The following UNC5B variants were observed in gnomAD, a reference collection of about 807,000 sequenced individuals.
The protein encoded by UNC5B is netrin receptor UNC5B.
Under a neutral mutation model 103.7 loss-of-function variants are expected in UNC5B, and 56 were observed. The ratio of observed to expected loss-of-function variants is 0.54; its 90% CI spans 0.44 to 0.67. The LOEUF is 0.67. Among genes scored for constraint, UNC5B ranks in the 30% least tolerant of loss-of-function variants. UNC5B has a pLI of 0.00. For synonymous variants in UNC5B, 577 were observed against 542.0 expected, an observed-to-expected ratio of 1.06 and a Z score of -0.90; for missense variants, 1,194 against 1,284.5, an observed-to-expected ratio of 0.93 and a Z score of 1.08.
chr10:71,299,366 T>C lies in UNC5B; in HGVS notation c.*89T>C. On this transcript the variant is annotated 3_prime_UTR_variant, in exon 17 of 17. Coordinates refer to ENST00000335350, the MANE Select transcript of UNC5B (RefSeq NM_170744.5). ...CCTCCTGATGGGGATGTTTGGCCTC[T>C]GCTTCCTCCCAGTTCACAGCCAGAG... The C allele has an allele frequency of 6.5e-7, 1 of 1,527,114 alleles. No individual in the cohort carries two copies. The highest frequency in any genetic ancestry group is 8.9e-7 in the Non-Finnish European group (1 of 1,127,828). 94.6% of individuals were successfully genotyped at this position (1,527,114 alleles called of 1,614,324 possible).
At chr10:71,239,647 C>T (rs1053561294) in intron 1 of UNC5B, among the ~76,000 whole-genome samples, 3 of 152,180 alleles carry the variant, frequency 2.0e-5, no homozygotes, top group Non-Finnish European at 4.4e-5. Flanking sequence ...CCACTCCACC[C>T]CCAGTCCTCT....
chr10:71,271,342 G>C (rs1360432082), intron 1 of UNC5B, among the ~76,000 whole-genome samples: 1 of 152,250 alleles, frequency 6.6e-6, no homozygotes, highest in Non-Finnish European at 1.5e-5. Context: ...TTCAGTGCCA[G>C]GTGGTGGGAA....
In UNC5B at chr10:71,296,663, C is replaced by G. The variant is rs1338340571; in HGVS notation, c.2411C>G (p.Thr804Arg). The part of the protein sequence containing the change: ...FTLERHSLAS[T>R]ELTCKICVRQ... ...CTGGAGAGGCACAGCTTGGCCTCCA[C>G]AGAGCTCACCTGCAAGATCTGCGTG... Residue 804 changes from threonine to arginine, a missense_variant, in exon 15 of 17, where the codon ACA becomes AGA. Transcript: ENST00000335350. The G allele has an allele frequency of 1.2e-6, 2 of 1,614,066 alleles. No homozygotes were observed. Among genetic ancestry groups the G allele is most frequent in the East Asian group, 2.2e-5 (1 of 44,884 alleles).
chr10:71,230,232 C>T (rs1456096917), intron 1 of UNC5B, among the ~76,000 whole-genome samples: 3 of 152,120 alleles, frequency 2.0e-5, no homozygotes, highest in Non-Finnish European at 4.4e-5. Context: ...AACCTGAGGG[C>T]CCTCACTCTG....
chr10:71,222,832 C>A (rs1312806489), intron 1 of UNC5B, among the ~76,000 whole-genome samples: 1 of 152,206 alleles, frequency 6.6e-6, no homozygotes, highest in African/African-American at 2.4e-5. Context: ...GAGACAAAGC[C>A]CAAAGGAAAG....
intron 1 of UNC5B, among the ~76,000 whole-genome samples, chr10:71,241,887 T>C (rs1843909456): frequency 6.6e-6 from 1 of 152,116 alleles, no homozygotes; most frequent in Admixed American, 6.5e-5. Flanking sequence ...GCCTGTTAGT[T>C]ATCTTGTGTA....
rs1010210783 is a variant in UNC5B at position 71,293,714 on chromosome 10, G to C, written c.1956G>C (p.Leu652=). 6.3e-7 allele frequency: 1 copy of C among 1,590,362 alleles called. No homozygotes were observed. The highest frequency in any genetic ancestry group is 8.6e-7 in the Non-Finnish European group (1 of 1,168,016). ...HQGHWEEVVT[L]DEETLNTPCY... ...GTCCCCTACAGGAGGTGGTGACCCT[G>C]GATGAGGAGACCCTGAACACACCCT... The change falls in exon 13 of 17, where the codon CTG becomes CTC. Residue 652 remains leucine, a synonymous_variant. Coordinates refer to ENST00000335350, the MANE Select transcript of UNC5B (RefSeq NM_170744.5).
In UNC5B at chr10:71,289,002, T is replaced by C. The variant is rs1328328559; in HGVS notation, c.1099+12T>C. The stretch of plus-strand genomic sequence containing the variant: ...CCCCAACAGCCACCGTAAGTCCCAT[T>C]TCATGGCTGTCCTCTTTCCTCTGGG... On this transcript the variant is annotated intron_variant, in intron 8 of 16. Transcript: ENST00000335350. 1 of 1,614,094 alleles carries C rather than the reference T, an allele frequency of 6.2e-7. No homozygotes were observed. The highest frequency in any genetic ancestry group is 1.7e-5 in the Admixed American group (1 of 60,002).
intron 1 of UNC5B, among the ~76,000 whole-genome samples, chr10:71,261,574 G>A (rs1844417643): frequency 6.6e-6 from 1 of 152,292 alleles, no homozygotes; most frequent in African/African-American, 2.4e-5. Context: ...GGGAGAGAAG[G>A]ACTCAGCTGG....
chr10:71,286,961 G>T, intron 5 of UNC5B, 92 bp downstream of exon 5: 2 of 1,508,378 alleles, frequency 1.3e-6, no homozygotes, highest in Non-Finnish European at 1.8e-6. Flanking sequence ...TGGTAGGGAG[G>T]ATGCAGCCCA....
rs1843282821 is a variant in UNC5B, at chr10:71,213,876, CT to C, written c.79+813del. Among the ~76,000 whole-genome samples the C allele has an allele frequency of 6.6e-6, 1 of 151,850 alleles. No individual in the cohort carries two copies. The highest frequency in any genetic ancestry group is 1.5e-5 in the Non-Finnish European group (1 of 67,988). ...TGCGCTCTCCTTGGTACAGCGCCCG[CT>C]CTGGACCCACCAAGATGACTTCAGC... On this transcript the variant is annotated intron_variant, in intron 1 of 16. Transcript: ENST00000335350. This position sits in a 1 kb window ranked among gnomAD's most constrained non-coding sequence, Gnocchi z 4.1.
At chr10:71,240,190 C>T (rs181841284) in intron 1 of UNC5B, among the ~76,000 whole-genome samples, 1 of 152,372 alleles carries the variant, frequency 6.6e-6, no homozygotes, top group East Asian at 1.9e-4. Flanking sequence ...GCCCCCTCCC[C>T]CCATGGGCAT....
At chr10:71,281,281 T>C (rs1051488246) in intron 2 of UNC5B, among the ~76,000 whole-genome samples, 1 of 152,126 alleles carries the variant, frequency 6.6e-6, no homozygotes, top group African/African-American at 2.4e-5. Flanking sequence ...AATTTAAACA[T>C]AATTTTAAAC....
At chr10:71,216,922 C>T (rs925397108) in intron 1 of UNC5B, among the ~76,000 whole-genome samples, 2 of 152,208 alleles carry the variant, frequency 1.3e-5, no homozygotes, top group African/African-American at 4.8e-5. Flanking sequence ...GGCAGCCCGT[C>T]TTTTGACCCT....
At chr10:71,224,518 A>G (rs1237655908) in intron 1 of UNC5B, among the ~76,000 whole-genome samples, 3 of 152,142 alleles carry the variant, frequency 2.0e-5, no homozygotes, top group Non-Finnish European at 4.4e-5. Context: ...CTAGCCATGT[A>G]GCTAATCTGC....
At position 71,290,998 on chromosome 10, in the gene UNC5B, G is replaced by A; in HGVS notation, c.1183G>A (p.Gly395Arg). Reference protein sequence around the residue: ...FVVVAILMAVGVVVYRRNCRD... With the variant: ...FVVVAILMAVRVVVYRRNCRD... ...GGTCGTGGCAATCCTCATGGCGGTG[G>A]GGGTGGTGGTGTACCGCCGCAACTG... Residue 395 changes from glycine to arginine, a missense_variant, in exon 9 of 17, where the codon GGG becomes AGG. Gly to Arg is a moderately radical substitution (Grantham distance 125, BLOSUM62 -2). Coordinates refer to ENST00000335350, the MANE Select transcript of UNC5B (RefSeq NM_170744.5). 1.9e-6 allele frequency: 3 copies of A among 1,614,070 alleles called. No homozygotes were observed. The highest frequency in any genetic ancestry group is 2.5e-6 in the Non-Finnish European group (3 of 1,179,990).
rs1195704807 is a variant in UNC5B at position 71,293,814 on chromosome 10, T to A, written c.2056T>A (p.Ser686Thr). ...GGGCACCTACGTGTTCACGGGCGAG[T>A]CCTATTCCCGCTCAGCAGTCAAGCG... is the stretch of plus-strand genomic sequence containing the variant. ...QLGTYVFTGE[S>T]YSRSAVKRLQ... Residue 686 changes from serine to threonine, a missense_variant, in exon 13 of 17, where the codon TCC becomes ACC. By Grantham distance (58) the Ser-to-Thr change is moderately conservative. Transcript: ENST00000335350. The A allele has an allele frequency of 1.9e-6, 3 of 1,610,664 alleles. No homozygotes were observed.
At chr10:71,281,375 C>T (rs55895907) in intron 2 of UNC5B, among the ~76,000 whole-genome samples, 4,297 of 150,558 alleles carry the variant, frequency 0.029, 205 homozygotes, top group African/African-American at 0.1. Context: ...GAGTCTCGCT[C>T]TGTCACCCGG....
chr10:71,265,311 C>T lies in UNC5B; in HGVS notation c.80-14510C>T, dbSNP rs373457208. On this transcript the variant is annotated intron_variant, in intron 1 of 16. Coordinates refer to ENST00000335350, the MANE Select transcript of UNC5B (RefSeq NM_170744.5). ...TTAATCCCAGCTGGGGTGAAGCTTC[C>T]CCTCTAGGGCAACCTGGCGGGACTG... 5.3e-5 allele frequency among the ~76,000 whole-genome samples: 8 copies of T among 152,226 alleles called. No individual in the cohort carries two copies. In the East Asian group the frequency reaches 1.4e-3, roughly 26 times the overall value.
Sources: allele counts gnomAD v4.1 joint callset (sites outside exome capture counted in the v4.1 genomes callset), GRCh38; gene constraint gnomAD v4.1.1; non-coding constraint Gnocchi (gnomAD v3.1); transcripts MANE v1.5; gene names NCBI Gene and HGNC (gene_info 2026-07-23, HGNC 2026-07-21).